Variants in ADAM12 observed in about 807,000 individuals in gnomAD.
ADAM12 encodes disintegrin and metalloproteinase domain-containing protein 12.
In ADAM12, 70 loss-of-function variants were observed where a neutral mutation model predicts 106.4. That is an observed-to-expected ratio of 0.66 (90% CI 0.54 to 0.80). The LOEUF is 0.80. ADAM12 is among the 30% of genes least tolerant of loss of function. ADAM12 has a pLI of 0.00. For missense variants in ADAM12, 1,010 were observed against 1,171.9 expected, an observed-to-expected ratio of 0.86 and a Z score of 2.02; for synonymous variants, 420 against 433.5, an observed-to-expected ratio of 0.97 and a Z score of 0.39.
chr10:126,079,571 G>A (rs905491766), intron 11 of ADAM12, among the ~76,000 whole-genome samples: 1 of 152,138 alleles, frequency 6.6e-6, no homozygotes, highest in African/African-American at 2.4e-5. Flanking sequence ...TTTGCTATCT[G>A]CTCATCTGTT....
At chr10:126,266,116 G>A (rs1211993908) in intron 3 of ADAM12, among the ~76,000 whole-genome samples, 1 of 152,192 alleles carries the variant, frequency 6.6e-6, no homozygotes, top group Non-Finnish European at 1.5e-5. Flanking sequence ...ACTGTTGCAT[G>A]CACCTCACCT....
intron 3 of ADAM12, among the ~76,000 whole-genome samples, chr10:126,199,253 C>A (rs564813698): frequency 6.6e-6 from 1 of 152,216 alleles, no homozygotes; most frequent in Non-Finnish European, 1.5e-5. Context: ...TGGACAATGA[C>A]AGGAGGATGA....
In ADAM12 at chr10:126,043,291, C is replaced by A; in HGVS notation, c.1996-143G>T. The A allele has an allele frequency of 1.3e-6, 1 of 752,326 alleles. No homozygotes were observed. The highest frequency in any genetic ancestry group is 2.2e-6 in the Non-Finnish European group (1 of 463,772). 46.6% of individuals were successfully genotyped at this position (752,326 alleles called of 1,614,324 possible). A position where few individuals can be genotyped will look rare whatever the true frequency, so the allele number is the denominator to read the frequency against. On this transcript the variant is annotated intron_variant, in intron 17 of 22. Transcript: ENST00000448723. This position sits in a 1 kb window ranked among gnomAD's most constrained non-coding sequence, Gnocchi z 4.1. ...GCACACGCCATGGTGCGAATAAGCCCAAAGCCGGCACTACACACCACACAG... is the reference window on the plus strand; with the variant it reads ...GCACACGCCATGGTGCGAATAAGCCAAAAGCCGGCACTACACACCACACAG...
chr10:126,363,110 C>A (rs1327045072), intron 1 of ADAM12, among the ~76,000 whole-genome samples: 1 of 151,902 alleles, frequency 6.6e-6, no homozygotes, highest in Non-Finnish European at 1.5e-5. Context: ...ATAATTATTG[C>A]TACAAAAATT....
chr10:126,367,401 A>G (rs1200392637), intron 1 of ADAM12, among the ~76,000 whole-genome samples: 2 of 151,960 alleles, frequency 1.3e-5, no homozygotes, highest in African/African-American at 2.4e-5. Flanking sequence ...CAAATTTGTA[A>G]TATTCAGCTA....
Position 126,145,986 on chromosome 10 carries a change from C to T in ADAM12, c.339+9241G>A, listed in dbSNP as rs374530490. ...ATTTGGGAGGATCAAAATGTAAATG[C>T]AATCTTGTGATACAAATAGAAAGAT... On this transcript the variant is annotated intron_variant, in intron 4 of 22. Coordinates refer to ENST00000448723, the MANE Select transcript of ADAM12 (RefSeq NM_001288973.2). 5.5e-4 allele frequency among the ~76,000 whole-genome samples: 84 copies of T among 152,302 alleles called. No homozygotes were observed. The South Asian group carries it at 0.017, about 32-fold the overall frequency.
chr10:126,227,977 G>T (rs1045150011), intron 3 of ADAM12, among the ~76,000 whole-genome samples: 2 of 152,038 alleles, frequency 1.3e-5, no homozygotes, highest in African/African-American at 4.8e-5. Flanking sequence ...GAGACAGTGG[G>T]GACCTTCCTG....
rs554561558 is a variant in ADAM12 at position 126,283,171 on chromosome 10, G to A, written c.187-4183C>T. Among the ~76,000 whole-genome samples, 4 of 152,198 alleles carry A rather than the reference G, an allele frequency of 2.6e-5. 1 individual carries two copies. Among genetic ancestry groups the A allele is most frequent in the African/African-American group, 9.6e-5 (4 of 41,528 alleles). ...AACCCAGTGCCTCCGCTAATCTGAC[G>A]GGAGGCGGAACTCAGGCAGTGATGT... On this transcript the variant is annotated intron_variant, in intron 2 of 22. Transcript: ENST00000448723.
intron 5 of ADAM12, among the ~76,000 whole-genome samples, chr10:126,132,371 C>A (rs1956321490): frequency 6.6e-6 from 1 of 152,212 alleles, no homozygotes. Context: ...AGAGGTCCAC[C>A]TTTCAGGCCC....
rs950001616 is a variant in ADAM12 at position 126,135,518 on chromosome 10, G to A, written c.416+66C>T. On this transcript the variant is annotated intron_variant, in intron 5 of 22. Transcript: ENST00000448723. ...ACTCTCAGTGCTTTAGCACGAGCAGGAAAAGACAGAGGTTGCCTGCAGTAG... is the reference window on the plus strand; with the variant it reads ...ACTCTCAGTGCTTTAGCACGAGCAGAAAAAGACAGAGGTTGCCTGCAGTAG... The A allele has an allele frequency of 2.7e-6, 4 of 1,494,540 alleles. No individual in the cohort carries two copies. The African/African-American group carries it at 5.5e-5, about 21-fold the overall frequency. The allele number at this position is 1,494,540 out of a possible 1,614,324, so 92.6% of individuals were successfully genotyped here.
intron 3 of ADAM12, among the ~76,000 whole-genome samples, chr10:126,265,535 T>C (rs116563945): frequency 0.015 from 2,307 of 152,242 alleles, 63 homozygotes; most frequent in African/African-American, 0.052. Context: ...ACAGAACTAT[T>C]GACATGGCAC....
At chr10:126,218,069 A>G (rs1179864661) in intron 3 of ADAM12, among the ~76,000 whole-genome samples, 1 of 151,986 alleles carries the variant, frequency 6.6e-6, no homozygotes, top group Non-Finnish European at 1.5e-5. Flanking sequence ...ATTTTTTGGT[A>G]CTAGGTACTT....
chr10:126,222,109 T>C (rs1451190804), intron 3 of ADAM12, among the ~76,000 whole-genome samples: 1 of 152,204 alleles, frequency 6.6e-6, no homozygotes, highest in African/African-American at 2.4e-5. Context: ...ACATAGGCAT[T>C]ACACGGAACC....
Position 126,330,571 on chromosome 10 carries a change from G to T in ADAM12, c.89-62C>A, listed in dbSNP as rs1854477000. The T allele has an allele frequency of 3.6e-6, 5 of 1,398,506 alleles. No individual in the cohort carries two copies. The African/African-American group carries it at 7.2e-5, about 20-fold the overall frequency. The allele number at this position is 1,398,506 out of a possible 1,614,324, so 86.6% of individuals were successfully genotyped here. ...AGTCAGGAAGAGTTTGGCATCAGAA[G>T]CTTATTACATAAATGACACAGTGAA... is the stretch of plus-strand genomic sequence containing the variant. On this transcript the variant is annotated intron_variant, in intron 1 of 22. Coordinates refer to ENST00000448723, the MANE Select transcript of ADAM12 (RefSeq NM_001288973.2).
chr10:126,164,220 A>G (rs1956986163), intron 3 of ADAM12, among the ~76,000 whole-genome samples: 1 of 152,224 alleles, frequency 6.6e-6, no homozygotes, highest in African/African-American at 2.4e-5. Context: ...GTATTGTTGG[A>G]GGGTTTAATT....
intron 2 of ADAM12, among the ~76,000 whole-genome samples, chr10:126,311,418 G>T (rs1012596993): frequency 3.3e-5 from 5 of 152,122 alleles, no homozygotes; most frequent in African/African-American, 4.8e-5. Flanking sequence ...TGTGGCATAA[G>T]GAACATGTAT....
Position 126,388,269 on chromosome 10 carries a change from C to G in ADAM12, c.-124G>C. The G allele has an allele frequency of 2.6e-6, 3 of 1,165,338 alleles. No individual in the cohort carries two copies. The Admixed American group carries it at 1.4e-4, about 53-fold the overall frequency. 72.2% of individuals were successfully genotyped at this position (1,165,338 alleles called of 1,614,324 possible). ...GATTTCCTGCCTCGGCGAGTCAGCT[C>G]CGGAGCCCTCGCGCAGCGCCCGCGC... On this transcript the variant is annotated 5_prime_UTR_variant, in exon 1 of 23. Transcript: ENST00000448723. This position sits in a 1 kb window ranked among gnomAD's most constrained non-coding sequence, Gnocchi z 4.4.
At chr10:126,329,021 C>A (rs1854409791) in intron 2 of ADAM12, among the ~76,000 whole-genome samples, 2 of 152,024 alleles carry the variant, frequency 1.3e-5, no homozygotes, top group African/African-American at 2.4e-5. Context: ...CAGCGGCAGG[C>A]CCATAGCCCT....
chr10:126,386,974 A>C (rs991704488), intron 1 of ADAM12, among the ~76,000 whole-genome samples: 7 of 152,226 alleles, frequency 4.6e-5, no homozygotes, highest in Non-Finnish European at 8.8e-5. Flanking sequence ...TTTAACAAGA[A>C]CTGGGTTTTA....
Sources: gnomAD v4.1 joint callset for allele counts (sites outside exome capture counted in the v4.1 genomes callset) on GRCh38, gnomAD v4.1.1 for gene constraint, Gnocchi (gnomAD v3.1) non-coding constraint, MANE v1.5 for transcripts, NCBI Gene and HGNC (gene_info 2026-07-23, HGNC 2026-07-21) for gene names.